The following MAL variants were observed in gnomAD, a reference collection of about 807,000 sequenced individuals.
The protein encoded by MAL is myelin and lymphocyte protein.
Under a neutral mutation model 16.7 loss-of-function variants are expected in MAL, and 5 were observed. The observed-to-expected ratio is 0.30, with a 90% CI of 0.16 to 0.63. The LOEUF (loss-of-function observed/expected upper bound fraction) is 0.63, where lower values mean the gene tolerates loss of function less well. Ranked by LOEUF, MAL falls within the 30% of genes least tolerant of loss-of-function variation. MAL has a pLI of 0.82. For missense variants in MAL, 202 were observed against 195.8 expected (o/e 1.03, Z -0.19); for synonymous variants, 96 against 85.5 (o/e 1.12, Z -0.67).
chr2:95,043,059 G>A (rs764468436), intron 1 of MAL, among the ~76,000 whole-genome samples: 13 of 152,346 alleles, frequency 8.5e-5, no homozygotes, highest in East Asian at 1.9e-4. Flanking sequence ...ACCCAAGCCC[G>A]GCTGCCCAGC....
chr2:95,049,794 G>C (rs1674678456), intron 3 of MAL, 88 bp downstream of exon 3: 1 of 1,548,130 alleles, frequency 6.5e-7, no homozygotes, highest in Non-Finnish European at 8.8e-7. Context: ...CCCTTGGTCT[G>C]TTTTCAGTTC....
intron 2 of MAL, 103 bp downstream of exon 2, chr2:95,048,229 G>T: frequency 8.4e-7 from 1 of 1,192,852 alleles, no homozygotes; most frequent in South Asian, 1.4e-5. Flanking sequence ...AGACTTCTCC[G>T]TAGATGTCAC....
At chr2:95,047,838 TCTC>T (rs1674624710) in intron 1 of MAL, 118 bp from the exon 2 acceptor site, 1 of 942,508 alleles carries the variant, frequency 1.1e-6, no homozygotes, top group African/African-American at 1.7e-5. Context: ...CCTGCCCTGT[TCTC>T]TTTGCCTGCT....
chr2:95,026,580 TGCACCTGC>T (rs1673945343), intron 1 of MAL: 1 of 152,068 alleles, frequency 6.6e-6, no homozygotes, highest in African/African-American at 2.4e-5. Flanking sequence ...CCGGGGCCTC[TGCACCTGC>T]GGTCGGTCCC....
At chr2:95,031,748 G>A (rs1674088592) in intron 1 of MAL, among the ~76,000 whole-genome samples, 1 of 152,208 alleles carries the variant, frequency 6.6e-6, no homozygotes, top group African/African-American at 2.4e-5. Flanking sequence ...TGTGTCCACT[G>A]GCTCCTGGCT....
chr2:95,033,125 G>A (rs1674127034), intron 1 of MAL, among the ~76,000 whole-genome samples: 1 of 152,140 alleles, frequency 6.6e-6, no homozygotes, highest in Non-Finnish European at 1.5e-5. Flanking sequence ...AGAAAGTGAA[G>A]GTCCCAGAAC....
intron 1 of MAL, among the ~76,000 whole-genome samples, chr2:95,039,477 T>A (rs1487115778): frequency 6.8e-6 from 1 of 147,076 alleles, no homozygotes; most frequent in Non-Finnish European, 1.5e-5. Flanking sequence ...AGTGAGTGAG[T>A]AAGTGACTGA....
At chr2:95,029,781 C>T (rs750968175) in intron 1 of MAL, among the ~76,000 whole-genome samples, 6 of 152,130 alleles carry the variant, frequency 3.9e-5, no homozygotes, top group Non-Finnish European at 7.3e-5. Context: ...CAAGACTCTG[C>T]CTAATTTTGT....
chr2:95,039,411 G>GGTGAGTGAGTGAGTGACTGAGTGACTGA (rs1674380933), intron 1 of MAL, among the ~76,000 whole-genome samples: 1 of 53,034 alleles, frequency 1.9e-5, no homozygotes, highest in Non-Finnish European at 3.9e-5. Context: ...TGAGTGAATG[G>GGTGAGTGAGTGAGTGACTGAGTGACTGA]GTGAGTGAGT....
rs143845650 is a variant in MAL at position 95,034,710 on chromosome 2, G to A, written c.93+8825G>A. The stretch of plus-strand genomic sequence containing the variant: ...GAACCGCCGAGCTTATGGGTCTCAG[G>A]ACTATTTCTAAAACCAGCCACAGAC... On this transcript the variant is annotated intron_variant, in intron 1 of 3. Coordinates refer to ENST00000309988, the MANE Select transcript of MAL (RefSeq NM_002371.4). Among the ~76,000 whole-genome samples, 62 of 152,216 alleles carry A rather than the reference G, an allele frequency of 4.1e-4. No individual in the cohort carries two copies. The East Asian group carries it at 0.01, about 25-fold the overall frequency.
intron 1 of MAL, among the ~76,000 whole-genome samples, chr2:95,027,784 T>G (rs374305169): frequency 3.9e-5 from 6 of 152,288 alleles, no homozygotes; most frequent in African/African-American, 1.4e-4. Context: ...CGATCTTGGC[T>G]CACTGCAGGC....
intron 1 of MAL, among the ~76,000 whole-genome samples, chr2:95,037,762 G>C (rs1235973302): frequency 6.6e-6 from 1 of 152,030 alleles, no homozygotes; most frequent in Non-Finnish European, 1.5e-5. Context: ...GTGACTGAGT[G>C]AGTGACTGAG....
chr2:95,032,233 G>A (rs1258174994), intron 1 of MAL, among the ~76,000 whole-genome samples: 1 of 152,262 alleles, frequency 6.6e-6, no homozygotes, highest in Non-Finnish European at 1.5e-5. Context: ...CGCCACACCA[G>A]CAGGCGAGGG....
In MAL at chr2:95,049,665, G is replaced by A. The variant is rs1164825740; in HGVS notation, c.346G>A (p.Gly116Ser). 24 of 1,614,002 alleles carry A rather than the reference G, an allele frequency of 1.5e-5. No homozygotes were observed. The highest frequency in any genetic ancestry group is 3.3e-5 in the South Asian group (3 of 91,080). The change falls in exon 3 of 4, where the codon GGC becomes AGC. Residue 116 changes from glycine (G) to serine (S), a missense_variant. Transcript: ENST00000309988. The stretch of plus-strand genomic sequence containing the variant: ...CCTGGCCACCATCACGATGCAAGAC[G>A]GCTTCACCTACAGGCACTACCATGA... The part of the protein sequence containing the change: ...EALATITMQD[G>S]FTYRHYHENI...
intron 1 of MAL, among the ~76,000 whole-genome samples, chr2:95,038,651 A>T (rs571687678): frequency 2.6e-5 from 4 of 151,640 alleles, no homozygotes; most frequent in African/African-American, 9.7e-5. Context: ...TGAGTGAGTG[A>T]GTGACTGTGT....
chr2:95,038,380 CTAAG>C (rs1182201017), intron 1 of MAL, among the ~76,000 whole-genome samples: 45 of 120,786 alleles, frequency 3.7e-4, no homozygotes, highest in African/African-American at 1.1e-3. Flanking sequence ...GAGTGAGTGA[CTAAG>C]TGAGTGAGTG....
chr2:95,048,558 A>AGGGAAG (rs1674642524), intron 2 of MAL, among the ~76,000 whole-genome samples: 4 of 152,224 alleles, frequency 2.6e-5, no homozygotes, highest in Non-Finnish European at 4.4e-5. Context: ...CCAGCTCCTC[A>AGGGAAG]GCCACTGCCT....
chr2:95,032,544 C>A (rs1360963578), intron 1 of MAL, among the ~76,000 whole-genome samples: 1 of 152,208 alleles, frequency 6.6e-6, no homozygotes, highest in Non-Finnish European at 1.5e-5. Flanking sequence ...GTGTACCCTC[C>A]TGGTGTTGAT....
At chr2:95,038,352 G>GTGAGTGAGTGGCTAAGTGAGTGAGTGAC (rs1674309675) in intron 1 of MAL, among the ~76,000 whole-genome samples, 1 of 152,006 alleles carries the variant, frequency 6.6e-6, no homozygotes, top group African/African-American at 2.4e-5. Flanking sequence ...GAGTAACTGA[G>GTGAGTGAGTGGCTAAGTGAGTGAGTGAC]TGAGTGAGTG....
Sources: allele counts gnomAD v4.1 joint callset (sites outside exome capture counted in the v4.1 genomes callset), GRCh38; gene constraint gnomAD v4.1.1; transcripts MANE v1.5; gene names NCBI Gene and HGNC (gene_info 2026-07-23, HGNC 2026-07-21).